Variants in TNRC6A observed in about 807,000 individuals in gnomAD.
The protein encoded by TNRC6A is trinucleotide repeat containing adaptor 6A, also known as trinucleotide repeat-containing gene 6A protein.
In TNRC6A, 44 loss-of-function variants were observed where a neutral mutation model predicts 221.2. The ratio of observed to expected loss-of-function variants is 0.20; its 90% CI spans 0.16 to 0.26. The LOEUF is 0.26. TNRC6A is among the 10% of genes least tolerant of loss of function. The pLI is 1.00. For missense variants in TNRC6A, 2,199 were observed against 2,404.4 expected, an observed-to-expected ratio of 0.91 and a Z score of 1.79; for synonymous variants, 847 against 838.5, an observed-to-expected ratio of 1.01 and a Z score of -0.18.
At chr16:24,779,885 G>T (rs541021291) in intron 5 of TNRC6A, among the ~76,000 whole-genome samples, 9 of 152,050 alleles carry the variant, frequency 5.9e-5, no homozygotes, top group Admixed American at 5.9e-4. Context: ...TTAGAATCCT[G>T]TGCTAGTCAA....
At chr16:24,660,103 G>A (rs2054997281) in intron 2 of TNRC6A, among the ~76,000 whole-genome samples, 1 of 151,724 alleles carries the variant, frequency 6.6e-6, no homozygotes, top group Admixed American at 6.6e-5. Flanking sequence ...TGTAGGTTTT[G>A]GGGGGAACAG....
At chr16:24,689,126 G>A (rs2055699399) in intron 2 of TNRC6A, among the ~76,000 whole-genome samples, 1 of 152,188 alleles carries the variant, frequency 6.6e-6, no homozygotes, top group Non-Finnish European at 1.5e-5. Flanking sequence ...TCCTAACTAT[G>A]CTAACTGGTG....
chr16:24,729,920 G>A lies in TNRC6A; in HGVS notation c.5+74G>A, dbSNP rs1186928836. ...GCCGCAGGGCCCGCAACCCGCGGCG[G>A]CGGCAGCAGAGGCGGCGGCGCCGGG... On this transcript the variant is annotated intron_variant, in intron 1 of 24. Coordinates refer to ENST00000395799, the MANE Select transcript of TNRC6A (RefSeq NM_014494.4). 6 of 1,187,718 alleles carry A rather than the reference G, an allele frequency of 5.1e-6. No individual in the cohort carries two copies. In the East Asian group the frequency reaches 2.1e-4, roughly 42 times the overall value. The allele number at this position is 1,187,718 out of a possible 1,614,324, so 73.6% of individuals were successfully genotyped here. A position where few individuals can be genotyped will look rare whatever the true frequency, so the allele number is the denominator to read the frequency against.
At chr16:24,786,895 A>T (rs2057984666) in intron 5 of TNRC6A, among the ~76,000 whole-genome samples, 1 of 152,100 alleles carries the variant, frequency 6.6e-6, no homozygotes, top group African/African-American at 2.4e-5. Flanking sequence ...GTTGGCCAGG[A>T]TGGTCTCAAA....
chr16:24,805,634 A>G lies in TNRC6A; in HGVS notation c.4152A>G (p.Pro1384=), dbSNP rs766636797. ...QVPVSLLKYA[P]NNGGLNPLFG... is the part of the protein sequence containing the mutation. ...CAGTTTCATTGCTGAAGTATGCACC[A>G]AACAACGGTGGCCTGAATCCACTCT... Residue 1384 remains proline (P), a synonymous_variant, in exon 15 of 25, where the codon CCA becomes CCG. Coordinates refer to ENST00000395799, the MANE Select transcript of TNRC6A (RefSeq NM_014494.4). 2.5e-6 allele frequency: 4 copies of G among 1,614,130 alleles called. No homozygotes were observed. In the African/African-American group the frequency reaches 5.3e-5, roughly 22 times the overall value.
In TNRC6A at chr16:24,761,346, C is replaced by T. The variant is rs189647912; in HGVS notation, c.163+2986C>T. 1.6e-4 allele frequency among the ~76,000 whole-genome samples: 25 copies of T among 152,222 alleles called. No individual in the cohort carries two copies. In the East Asian group the frequency reaches 4.2e-3, roughly 26 times the overall value. On this transcript the variant is annotated intron_variant, in intron 4 of 24. Coordinates refer to ENST00000395799, the MANE Select transcript of TNRC6A (RefSeq NM_014494.4). Reference sequence around the variant, plus strand: ...AAAATCTTTTAAAATATGTCTCTTACGAGTATGTCCTTGAAACAGCAGGAG... The same window carrying T: ...AAAATCTTTTAAAATATGTCTCTTATGAGTATGTCCTTGAAACAGCAGGAG...
Position 24,790,998 on chromosome 16 carries a change from C to A in TNRC6A, c.2356C>A (p.Pro786Thr), listed in dbSNP as rs779664083. ...CTCATCTGTATCAGGGTGGGGCGATCCCAAACCTGCTCTGAGGTGGGGAGA... is the reference window on the plus strand; with the variant it reads ...CTCATCTGTATCAGGGTGGGGCGATACCAAACCTGCTCTGAGGTGGGGAGA... The part of the protein sequence containing the change: ...DTSSVSGWGD[P>T]KPALRWGDSK... Residue 786 changes from proline to threonine, a missense_variant, in exon 6 of 25, where the codon CCC becomes ACC. Pro to Thr is a conservative substitution (Grantham distance 38). Around this residue, in one of 8 missense-constraint regions of TNRC6A, gnomAD observed 1,405 missense variants for 1,400.2 expected, o/e 1.00. Transcript: ENST00000395799. 11 of 1,596,094 alleles carry A rather than the reference C, an allele frequency of 6.9e-6. No homozygotes were observed. In the South Asian group the frequency reaches 1.3e-4, roughly 18 times the overall value.
intron 2 of TNRC6A, among the ~76,000 whole-genome samples, chr16:24,720,766 T>G (rs1596544710): frequency 7.0e-6 from 1 of 143,482 alleles, no homozygotes; most frequent in East Asian, 2.1e-4. Context: ...CTGGGCTCAG[T>G]GGCTCACGCC....
intron 17 of TNRC6A, among the ~76,000 whole-genome samples, chr16:24,808,801 T>C (rs1025950367): frequency 3.9e-4 from 59 of 152,188 alleles, no homozygotes; most frequent in African/African-American, 1.4e-3. Flanking sequence ...GCGTTTTAGG[T>C]GATTCTAATA....
At chr16:24,676,611 C>T (rs1273839884) in intron 2 of TNRC6A, among the ~76,000 whole-genome samples, 1 of 152,100 alleles carries the variant, frequency 6.6e-6, no homozygotes, top group South Asian at 2.1e-4. Context: ...CACGCCACCA[C>T]GCTTGGCTAA....
rs60165161 is a variant in TNRC6A, at chr16:24,675,702, C to CTATATA, written n.402+34727_402+34732dup. 5.7e-3 allele frequency among the ~76,000 whole-genome samples: 188 copies of CTATATA among 33,240 alleles called. 5 individuals carry two copies. Among genetic ancestry groups the CTATATA allele is most frequent in the Non-Finnish European group, 7.0e-3 (134 of 19,152 alleles). 21.8% of individuals were successfully genotyped at this position (33,240 alleles called of 152,430 possible). On this transcript the variant is annotated intron_variant and non_coding_transcript_variant, in intron 2 of 2. Transcript: ENST00000566108. Reference sequence around the variant, plus strand: ...TCTCTCTCTCTCTCTCTCTCTCTCTCTATATATATATATATATATATATAT... The same window carrying CTATATA: ...TCTCTCTCTCTCTCTCTCTCTCTCTCTATATATATATATATATATATATATATATAT...
At chr16:24,794,961 C>A (rs910746934) in intron 8 of TNRC6A, among the ~76,000 whole-genome samples, 10 of 152,140 alleles carry the variant, frequency 6.6e-5, no homozygotes, top group Non-Finnish European at 1.5e-5. Context: ...CCAGTGCTGC[C>A]TGGGACAACC....
intron 2 of TNRC6A, among the ~76,000 whole-genome samples, chr16:24,664,629 A>AT: frequency 1.4e-5 from 2 of 142,644 alleles, no homozygotes; most frequent in African/African-American, 5.1e-5. Flanking sequence ...ATAAATATAT[A>AT]TTATTAATAA....
At chr16:24,822,801 G>C (rs2058793208) in intron 23 of TNRC6A, 73 bp from the exon 24 acceptor site, 3 of 1,590,328 alleles carry the variant, frequency 1.9e-6, no homozygotes, top group Non-Finnish European at 2.6e-6. Flanking sequence ...AGGGGCAGCA[G>C]TGCAGCCTGA....
chr16:24,625,333 G>T (rs1436135716), intron 1 of TNRC6A, among the ~76,000 whole-genome samples: 2 of 152,186 alleles, frequency 1.3e-5, no homozygotes, highest in African/African-American at 2.4e-5. Flanking sequence ...CCCATGCCAG[G>T]CCGGGTGCGG....
At position 24,640,415 on chromosome 16, in the gene TNRC6A, A is replaced by AG. The variant is rs373888047; in HGVS notation, n.277-469_277-468insG. Among the ~76,000 whole-genome samples the AG allele has an allele frequency of 2.0e-3, 297 of 149,502 alleles. 1 individual carries two copies. Among genetic ancestry groups the AG allele is most frequent in the African/African-American group, 6.3e-3 (247 of 39,498 alleles). The stretch of plus-strand genomic sequence containing the variant: ...ATCCTGTCCAAAAAAAAAGAAAGAA[A>AG]AAAAAAAAAGGAAGAAAAAGAAGGG... On this transcript the variant is annotated intron_variant and non_coding_transcript_variant, in intron 1 of 2. Coordinates refer to the TNRC6A transcript ENST00000566108.
intron 2 of TNRC6A, among the ~76,000 whole-genome samples, chr16:24,698,162 T>C (rs1399607434): frequency 1.3e-5 from 2 of 150,752 alleles, no homozygotes; most frequent in Non-Finnish European, 3.0e-5. Flanking sequence ...ACCCCGACTC[T>C]ACAAAAAAAA....
At chr16:24,730,143 C>T in intron 1 of TNRC6A, 110 bp from the exon 2 acceptor site, 1 of 1,095,676 alleles carries the variant, frequency 9.1e-7, no homozygotes, top group Non-Finnish European at 1.3e-6. Flanking sequence ...CTCTCCCCTC[C>T]CCCATCCGGC....
chr16:24,642,149 C>T (rs960721457), intron 2 of TNRC6A, among the ~76,000 whole-genome samples: 2 of 152,096 alleles, frequency 1.3e-5, no homozygotes, highest in Admixed American at 1.3e-4. Flanking sequence ...TGGGGGTAAA[C>T]GGCAACAAAA....
Sources: gnomAD v4.1 joint callset for allele counts (sites outside exome capture counted in the v4.1 genomes callset) on GRCh38, gnomAD v4.1.1 for gene constraint, gnomAD v4.1.1 regional missense constraint, MANE v1.5 for transcripts, NCBI Gene and HGNC (gene_info 2026-07-23, HGNC 2026-07-21) for gene names.